LDB2: variants seen among roughly 807,000 people sequenced by gnomAD.
LDB2 encodes LIM domain binding 2, also known as LIM domain-binding protein 2.
Under a neutral mutation model 44.3 loss-of-function variants are expected in LDB2, and 12 were observed. That is an observed-to-expected ratio of 0.27 (90% CI 0.17 to 0.44). The LOEUF is 0.44. Among genes scored for constraint, LDB2 ranks in the 20% least tolerant of loss-of-function variants. The probability of loss-of-function intolerance (pLI) is 1.00; values close to 1 mark genes in which losing one functional copy is unlikely to be tolerated. For synonymous variants in LDB2, 164 were observed against 174.8 expected, an observed-to-expected ratio of 0.94 and a Z score of 0.49; for missense variants, 344 against 473.5, an observed-to-expected ratio of 0.73 and a Z score of 2.54.
intron 1 of LDB2, among the ~76,000 whole-genome samples, chr4:16,771,939 G>A (rs1024933688): frequency 2.0e-5 from 3 of 152,202 alleles, no homozygotes; most frequent in Admixed American, 2.0e-4. Context: ...CGTCATTGCT[G>A]TGTAGGGAGC....
rs541231615 is a variant in LDB2, at chr4:16,889,929, T to C, written c.132+8425A>G. ...TTAAGTTGCTCAGTACAGGACCTCC[T>C]AATTGCTGGGACTCTTTTCCTTTAT... On this transcript the variant is annotated intron_variant, in intron 1 of 7. Transcript: ENST00000304523. Among the ~76,000 whole-genome samples, 7 of 152,354 alleles carry C rather than the reference T, an allele frequency of 4.6e-5. No homozygotes were observed. The South Asian group carries it at 1.5e-3, about 32-fold the overall frequency.
intron 1 of LDB2, among the ~76,000 whole-genome samples, chr4:16,813,042 G>A (rs1031995541): frequency 6.6e-6 from 1 of 151,816 alleles, no homozygotes; most frequent in Admixed American, 6.6e-5. Flanking sequence ...CTGTCACCCA[G>A]GCTGGAGTGC....
chr4:16,761,623 T>C (rs1282421442), intron 1 of LDB2, among the ~76,000 whole-genome samples: 1 of 152,128 alleles, frequency 6.6e-6, no homozygotes, highest in African/African-American at 2.4e-5. Flanking sequence ...ACAACAACAA[T>C]AGTTACTATC....
At chr4:16,820,820 C>T (rs1287937878) in intron 1 of LDB2, among the ~76,000 whole-genome samples, 2 of 151,968 alleles carry the variant, frequency 1.3e-5, no homozygotes, top group African/African-American at 2.4e-5. Flanking sequence ...TCAAAATGGT[C>T]CGACAATATT....
intron 1 of LDB2, among the ~76,000 whole-genome samples, chr4:16,845,934 C>A (rs1786882441): frequency 6.6e-6 from 1 of 151,830 alleles, no homozygotes; most frequent in South Asian, 2.1e-4. Context: ...ATGGAGAAAC[C>A]CCATCTCTAC....
At chr4:16,781,541 A>T (rs1044225714) in intron 1 of LDB2, among the ~76,000 whole-genome samples, 4 of 152,110 alleles carry the variant, frequency 2.6e-5, no homozygotes, top group Non-Finnish European at 5.9e-5. Flanking sequence ...GGAGTAGATC[A>T]TGGGGAGAAT....
intron 5 of LDB2, among the ~76,000 whole-genome samples, chr4:16,513,764 TA>T (rs1722661479): frequency 6.6e-6 from 1 of 152,166 alleles, no homozygotes; most frequent in Non-Finnish European, 1.5e-5. Context: ...GTTTGTCTTT[TA>T]CTTTGTCCTG....
chr4:16,528,338 G>A (rs183322385), intron 5 of LDB2, among the ~76,000 whole-genome samples: 49 of 152,212 alleles, frequency 3.2e-4, no homozygotes, highest in Non-Finnish European at 5.9e-4. Flanking sequence ...AATACCACCC[G>A]TTCTTCAAAA....
chr4:16,817,173 C>A (rs749541637), intron 1 of LDB2, among the ~76,000 whole-genome samples: 2 of 152,144 alleles, frequency 1.3e-5, no homozygotes, highest in African/African-American at 4.8e-5. Flanking sequence ...TGTAAAGGAT[C>A]GATGTATCAA....
intron 2 of LDB2, among the ~76,000 whole-genome samples, chr4:16,733,496 G>T (rs569289501): frequency 6.6e-6 from 1 of 152,250 alleles, no homozygotes; most frequent in South Asian, 2.1e-4. Context: ...TGTGAATCAG[G>T]ATCTGGCTGC....
At chr4:16,635,601 T>C (rs1471603687) in intron 2 of LDB2, among the ~76,000 whole-genome samples, 1 of 152,134 alleles carries the variant, frequency 6.6e-6, no homozygotes, top group Non-Finnish European at 1.5e-5. Context: ...GAAAGATGTG[T>C]GGGGATGTTT....
chr4:16,707,310 A>C (rs1754822472), intron 2 of LDB2, among the ~76,000 whole-genome samples: 1 of 152,342 alleles, frequency 6.6e-6, no homozygotes, highest in Non-Finnish European at 1.5e-5. Flanking sequence ...TGAGCATAAT[A>C]ATGAAATACA....
chr4:16,767,036 G>T (rs1223879039), intron 1 of LDB2, among the ~76,000 whole-genome samples: 1 of 152,162 alleles, frequency 6.6e-6, no homozygotes, highest in Admixed American at 6.5e-5. Flanking sequence ...TAGACATAGG[G>T]TTTGTACCTG....
intron 5 of LDB2, among the ~76,000 whole-genome samples, chr4:16,553,385 C>T (rs376029340): frequency 2.2e-4 from 34 of 152,092 alleles, no homozygotes; most frequent in African/African-American, 8.2e-4. Flanking sequence ...TTGTCTTGAA[C>T]TCCTGGCCTC....
At chr4:16,623,687 A>G (rs907313740) in intron 2 of LDB2, among the ~76,000 whole-genome samples, 3 of 152,184 alleles carry the variant, frequency 2.0e-5, no homozygotes, top group Non-Finnish European at 4.4e-5. Flanking sequence ...GAATAAGTCA[A>G]TATGGTCACA....
At chr4:16,695,425 A>G (rs904925179) in intron 2 of LDB2, among the ~76,000 whole-genome samples, 1 of 151,486 alleles carries the variant, frequency 6.6e-6, no homozygotes, top group Admixed American at 6.6e-5. Flanking sequence ...ACACCGCTGC[A>G]CTCCAGCCTT....
chr4:16,556,938 T>C (rs559461406), intron 5 of LDB2, among the ~76,000 whole-genome samples: 1 of 152,208 alleles, frequency 6.6e-6, no homozygotes, highest in African/African-American at 2.4e-5. Flanking sequence ...AAATTAATCT[T>C]TTTTCAAGTA....
chr4:16,560,993 A>G (rs1741955133), intron 5 of LDB2, among the ~76,000 whole-genome samples: 1 of 152,240 alleles, frequency 6.6e-6, no homozygotes, highest in Non-Finnish European at 1.5e-5. Context: ...AAGATGCAGA[A>G]AAGACCTTTG....
intron 2 of LDB2, among the ~76,000 whole-genome samples, chr4:16,679,797 T>C (rs1310765815): frequency 6.6e-6 from 1 of 152,148 alleles, no homozygotes; most frequent in Admixed American, 6.5e-5. Flanking sequence ...GGGGCCTTCA[T>C]CAGGAATGCC....
Sources: allele counts gnomAD v4.1 joint callset (sites outside exome capture counted in the v4.1 genomes callset), GRCh38; gene constraint gnomAD v4.1.1; transcripts MANE v1.5; gene names NCBI Gene and HGNC (gene_info 2026-07-23, HGNC 2026-07-21).